The following NIN variants were observed in gnomAD, a reference collection of about 807,000 sequenced individuals.
NIN encodes the protein ninein.
In NIN, 137 loss-of-function variants were observed where a neutral mutation model predicts 257.6. The ratio of observed to expected loss-of-function variants is 0.53; its 90% CI spans 0.46 to 0.61. The LOEUF (loss-of-function observed/expected upper bound fraction) is 0.61. NIN is among the 20% of genes least tolerant of loss of function. The pLI is 0.00. For synonymous variants in NIN, 918 were observed against 919.8 expected, an observed-to-expected ratio of 1.00 and a Z score of 0.04; for missense variants, 2,439 against 2,501.2, an observed-to-expected ratio of 0.98 and a Z score of 0.53.
chr14:50,746,346 G>A (rs1175131550), intron 22 of NIN, among the ~76,000 whole-genome samples: 2 of 152,172 alleles, frequency 1.3e-5, no homozygotes. Context: ...ATATGGACAG[G>A]CGACTTCTCT....
At chr14:50,746,695 A>G (rs967684946) in intron 22 of NIN, among the ~76,000 whole-genome samples, 2 of 152,252 alleles carry the variant, frequency 1.3e-5, no homozygotes. Context: ...TTTTCCTACC[A>G]TAAATCAAGA....
chr14:50,778,382 G>A (rs1040268004), intron 6 of NIN, among the ~76,000 whole-genome samples: 8 of 152,058 alleles, frequency 5.3e-5, no homozygotes, highest in African/African-American at 1.9e-4. Flanking sequence ...TGCCCAGGCT[G>A]GTCATGAACT....
At chr14:50,771,962 G>A (rs1385642553) in intron 9 of NIN, 2 of 225,282 alleles carry the variant, frequency 8.9e-6, no homozygotes, top group Non-Finnish European at 1.8e-5. Flanking sequence ...CTCCAGTCCA[G>A]GTGATAAAAC....
chr14:50,754,968 G>C (rs1268886164), intron 18 of NIN, 101 bp from the exon 19 acceptor site: 1 of 733,854 alleles, frequency 1.4e-6, no homozygotes, highest in Non-Finnish European at 2.2e-6. Flanking sequence ...TTCAATGCCA[G>C]TTAAAAAGAA....
chr14:50,756,157 T>TAAA (rs34167631), intron 18 of NIN, among the ~76,000 whole-genome samples: 1 of 147,570 alleles, frequency 6.8e-6, no homozygotes. Flanking sequence ...CTTAGCAAAA[T>TAAA]AAAAAAAAAA....
At chr14:50,771,050 C>T (rs1427988741) in intron 10 of NIN, 58 bp from the exon 11 acceptor site, 1 of 1,569,866 alleles carries the variant, frequency 6.4e-7, no homozygotes, top group Non-Finnish European at 8.6e-7. Flanking sequence ...CAAGTAGACC[C>T]AGAAAAGCTC....
chr14:50,743,405 T>C lies in NIN; in HGVS notation c.5301+11A>G. 3 of 1,515,094 alleles carry C rather than the reference T, an allele frequency of 2.0e-6. No individual in the cohort carries two copies. The highest frequency in any genetic ancestry group is 2.8e-6 in the Non-Finnish European group (3 of 1,089,618). The allele number at this position is 1,515,094 out of a possible 1,614,324, so 93.9% of individuals were successfully genotyped here. A position where few individuals can be genotyped will look rare whatever the true frequency, so the allele number is the denominator to read the frequency against. ...CTAACCGTGAAGATGAAACAAGAAT[T>C]GTCCATGTACCTTTTCCTGAGAAGC... On this transcript the variant is annotated intron_variant, in intron 24 of 30. Coordinates refer to ENST00000530997, the MANE Select transcript of NIN (RefSeq NM_020921.4).
intron 3 of NIN, among the ~76,000 whole-genome samples, chr14:50,812,184 C>T (rs546655155): frequency 1.3e-5 from 2 of 152,120 alleles, no homozygotes; most frequent in African/African-American, 4.8e-5. Context: ...ACGATATTAT[C>T]GTAGGTTCAT....
At position 50,723,550 on chromosome 14, in the gene NIN, G is replaced by C. The variant is rs1315946449; in HGVS notation, c.6315C>G (p.Leu2105=). The C allele has an allele frequency of 1.2e-6, 2 of 1,613,754 alleles. No individual in the cohort carries two copies. The highest frequency in any genetic ancestry group is 1.3e-5 in the African/African-American group (1 of 74,890). Residue 2105 remains leucine, a synonymous_variant, in exon 31 of 31, where the codon CTC becomes CTG. Transcript: ENST00000530997. Reference sequence around the variant, plus strand: ...TGAGGCTGGCAATCTTCTCCTCCAGGAGGTAATTTTTCTTCTCTGCTGTTT... The same window carrying C: ...TGAGGCTGGCAATCTTCTCCTCCAGCAGGTAATTTTTCTTCTCTGCTGTTT... The part of the protein sequence containing the change: ...RQKTAEKKNY[L]LEEKIASLSN...
intron 5 of NIN, among the ~76,000 whole-genome samples, chr14:50,791,747 C>G (rs1289908289): frequency 7.2e-5 from 11 of 151,738 alleles, no homozygotes; most frequent in Admixed American, 7.2e-4. Context: ...AGCAAGCTTC[C>G]TGTAGATTTC....
chr14:50,762,916 C>T (rs768481339), intron 15 of NIN, among the ~76,000 whole-genome samples: 1 of 152,246 alleles, frequency 6.6e-6, no homozygotes, highest in Non-Finnish European at 1.5e-5. Context: ...CACGATGGTA[C>T]AGCTTCTTGT....
At chr14:50,765,843 G>GTT (rs34321797) in intron 14 of NIN, among the ~76,000 whole-genome samples, 2,114 of 146,914 alleles carry the variant, frequency 0.014, 21 homozygotes, top group Non-Finnish European at 0.019. Context: ...TAACATTTAT[G>GTT]TTTTTTTTTT....
Position 50,738,185 on chromosome 14 carries a change from T to C in NIN, c.5730A>G (p.Arg1910=), listed in dbSNP as rs2041094376. 1.2e-6 allele frequency: 2 copies of C among 1,614,032 alleles called. No individual in the cohort carries two copies. Among genetic ancestry groups the C allele is most frequent in the African/African-American group, 1.3e-5 (1 of 74,920 alleles). ...PTEQEKLSLK[R]ECDQFQKEQS... ...GTTCTTTCTGAAACTGATCACACTC[T>C]CTCTTTAAGCTCAATTTTTCTTGCT... is the stretch of plus-strand genomic sequence containing the variant. Residue 1910 remains arginine, a synonymous_variant, in exon 27 of 31, where the codon AGA becomes AGG. Coordinates refer to ENST00000530997, the MANE Select transcript of NIN (RefSeq NM_020921.4).
intron 7 of NIN, 46 bp from the exon 8 acceptor site, chr14:50,773,141 CAA>C: frequency 6.5e-7 from 1 of 1,534,030 alleles, no homozygotes. Context: ...TTCAAGTATA[CAA>C]GGCCCAAAGT....
chr14:50,767,124 A>C (rs1265736940), intron 12 of NIN, among the ~76,000 whole-genome samples: 1 of 152,230 alleles, frequency 6.6e-6, no homozygotes, highest in African/African-American at 2.4e-5. Context: ...TGTCCAAAAC[A>C]GGTAGCTGCT....
At position 50,777,047 on chromosome 14, in the gene NIN, C is replaced by G. The variant is rs765246066; in HGVS notation, c.568G>C (p.Val190Leu). ...QDWIEEKLQE[V>L]CEDLGITRDG... is the part of the protein sequence containing the mutation. ...CGGGTGATCCCCAAATCTTCACAAA[C>G]TTCTTGCAGTTTCTCTTCTATCCAG... Residue 190 changes from valine (V) to leucine (L), a missense_variant, in exon 7 of 31, where the codon GTT (valine) becomes CTT (leucine). By Grantham distance (32) the Val-to-Leu change is conservative (BLOSUM62 1). Coordinates refer to ENST00000530997, the MANE Select transcript of NIN (RefSeq NM_020921.4). The G allele has an allele frequency of 1.9e-6, 3 of 1,614,256 alleles. No individual in the cohort carries two copies. The highest frequency in any genetic ancestry group is 3.3e-5 in the Admixed American group (2 of 60,030).
At chr14:50,821,613 A>C (rs1307603167) in intron 3 of NIN, among the ~76,000 whole-genome samples, 1 of 152,228 alleles carries the variant, frequency 6.6e-6, no homozygotes, top group African/African-American at 2.4e-5. Flanking sequence ...AAGAACAAGA[A>C]AAAAGTTGGA....
Position 50,770,484 on chromosome 14 carries a change from C to T in NIN, c.1338G>A (p.Gln446=). 6.2e-7 allele frequency: 1 copy of T among 1,614,168 alleles called. No individual in the cohort carries two copies. Among genetic ancestry groups the T allele is most frequent in the Non-Finnish European group, 8.5e-7 (1 of 1,179,970 alleles). Residue 446 remains glutamine, a synonymous_variant, in exon 12 of 31, where the codon CAG becomes CAA. Coordinates refer to ENST00000530997, the MANE Select transcript of NIN (RefSeq NM_020921.4). ...ELRKEREQIL[Q]QAGKQRLELE... ...GTTCTAAACGCTGCTTGCCTGCCTG[C>T]TGCAGGATCTGCTCTCTCTCTTTTC...
intron 2 of NIN, among the ~76,000 whole-genome samples, chr14:50,826,187 G>A (rs991358135): frequency 1.3e-5 from 2 of 152,200 alleles, no homozygotes; most frequent in East Asian, 3.9e-4. Flanking sequence ...GTTACATTTT[G>A]AGCGAGAAAT....
Sources: allele counts gnomAD v4.1 joint callset (sites outside exome capture counted in the v4.1 genomes callset), GRCh38; gene constraint gnomAD v4.1.1; transcripts MANE v1.5; gene names NCBI Gene and HGNC (gene_info 2026-07-23, HGNC 2026-07-21).